The following FGF14 variants were observed in gnomAD, a reference collection of about 807,000 sequenced individuals.
The protein encoded by FGF14 is fibroblast growth factor homologous factor 4.
Under a neutral mutation model 25.5 loss-of-function variants are expected in FGF14, and 5 were observed. The ratio of observed to expected loss-of-function variants is 0.20; its 90% CI spans 0.10 to 0.41. The LOEUF (loss-of-function observed/expected upper bound fraction) is 0.41, where lower values mean the gene tolerates loss of function less well. Among genes scored for constraint, FGF14 ranks in the 10% least tolerant of loss-of-function variants. The pLI, the probability that FGF14 is intolerant of heterozygous loss-of-function variation, is 1.00. For synonymous variants in FGF14, 138 were observed against 118.3 expected, an observed-to-expected ratio of 1.17 and a Z score of -1.08; for missense variants, 222 against 320.1, an observed-to-expected ratio of 0.69 and a Z score of 2.34.
chr13:101,958,633 T>C (rs1480301870), intron 1 of FGF14, among the ~76,000 whole-genome samples: 1 of 152,244 alleles, frequency 6.6e-6, no homozygotes, highest in Non-Finnish European at 1.5e-5. Flanking sequence ...TATAGAATAC[T>C]ACTATAAGTC....
chr13:102,264,108 A>G (rs2052860508), intron 1 of FGF14, among the ~76,000 whole-genome samples: 1 of 151,956 alleles, frequency 6.6e-6, no homozygotes, highest in Non-Finnish European at 1.5e-5. Context: ...CGGGGAACCA[A>G]TTTTAGATGG....
chr13:101,758,143 A>T (rs547828808), intron 3 of FGF14, among the ~76,000 whole-genome samples: 14 of 152,358 alleles, frequency 9.2e-5, no homozygotes, highest in African/African-American at 3.4e-4. Flanking sequence ...TTTATTGAAC[A>T]CTTACCTTGA....
intron 1 of FGF14, among the ~76,000 whole-genome samples, chr13:102,124,765 C>G (rs116673904): frequency 0.014 from 2,062 of 152,106 alleles, 45 homozygotes; most frequent in African/African-American, 0.047. Context: ...TGTTCTTGAG[C>G]CTATTTACTC....
At chr13:101,822,670 T>C (rs1447114589) in intron 3 of FGF14, among the ~76,000 whole-genome samples, 1 of 152,172 alleles carries the variant, frequency 6.6e-6, no homozygotes, top group Non-Finnish European at 1.5e-5. Flanking sequence ...TGTGTAACGA[T>C]CAAATCAGGG....
At chr13:101,975,626 T>C (rs2390646) in intron 1 of FGF14, among the ~76,000 whole-genome samples, 4 of 151,810 alleles carry the variant, frequency 2.6e-5, no homozygotes, top group Admixed American at 2.6e-4. Context: ...ATCAAAAATA[T>C]TTGTATTGAC....
At chr13:102,246,907 A>T (rs1763097138) in intron 1 of FGF14, among the ~76,000 whole-genome samples, 1 of 152,076 alleles carries the variant, frequency 6.6e-6, no homozygotes. Flanking sequence ...GACCAATGGA[A>T]TGGAATACAG....
chr13:102,048,783 C>T lies in FGF14; in HGVS notation c.209-173487G>A, dbSNP rs142162839. Among the ~76,000 whole-genome samples, 163 of 152,226 alleles carry T rather than the reference C, an allele frequency of 1.1e-3. 2 individuals carry two copies. The East Asian group carries it at 0.013, about 12-fold the overall frequency. On this transcript the variant is annotated intron_variant, in intron 1 of 4. Coordinates refer to the FGF14 transcript ENST00000376131. ...CAGAGTTTGTGCCCAATTCCAGAACCGAGGCTGTCTTCACTCAGGCACATT... is the reference window on the plus strand; with the variant it reads ...CAGAGTTTGTGCCCAATTCCAGAACTGAGGCTGTCTTCACTCAGGCACATT...
chr13:101,901,761 G>A (rs1184286672), intron 1 of FGF14, among the ~76,000 whole-genome samples: 14 of 152,006 alleles, frequency 9.2e-5, no homozygotes, highest in Admixed American at 6.6e-4. Flanking sequence ...ACAGATACGC[G>A]AGGAGTTTGT....
chr13:102,213,713 C>T (rs1037313370), intron 1 of FGF14, among the ~76,000 whole-genome samples: 2 of 152,148 alleles, frequency 1.3e-5, no homozygotes, highest in Non-Finnish European at 2.9e-5. Flanking sequence ...TATCCTCCTT[C>T]CCCAACAAGC....
At chr13:101,900,153 T>G (rs186796058) in intron 1 of FGF14, among the ~76,000 whole-genome samples, 387 of 152,188 alleles carry the variant, frequency 2.5e-3, no homozygotes, top group Non-Finnish European at 4.3e-3. Flanking sequence ...AAAATTAAAA[T>G]ATAACAGAGA....
Position 101,715,520 on chromosome 13 carries a change from C to T in FGF14, c.*7311G>A. 7.3e-7 allele frequency: 1 copy of T among 1,362,866 alleles called. No homozygotes were observed. Among genetic ancestry groups the T allele is most frequent in the East Asian group, 2.3e-5 (1 of 43,666 alleles). 84.4% of individuals were successfully genotyped at this position (1,362,866 alleles called of 1,614,324 possible). A position where few individuals can be genotyped will look rare whatever the true frequency, so the allele number is the denominator to read the frequency against. On this transcript the variant is annotated 3_prime_UTR_variant, in exon 5 of 5. Coordinates refer to ENST00000376143, the MANE Select transcript of FGF14 (RefSeq NM_004115.4). The stretch of plus-strand genomic sequence containing the variant: ...TATAATAGCATGTTTAAATTTGGCA[C>T]ATTTTGATCATAATCATGATACCTA...
At chr13:101,750,007 G>C (rs952532928) in intron 3 of FGF14, among the ~76,000 whole-genome samples, 2 of 151,994 alleles carry the variant, frequency 1.3e-5, no homozygotes, top group African/African-American at 4.8e-5. Context: ...GGACTGAAGA[G>C]ACTGGAGTTC....
intron 3 of FGF14, among the ~76,000 whole-genome samples, chr13:101,803,104 T>A (rs1463303875): frequency 1.3e-5 from 2 of 152,124 alleles, no homozygotes; most frequent in Admixed American, 1.3e-4. Flanking sequence ...GGATTTTTTT[T>A]AGTTAAGTGC....
At chr13:101,936,770 T>C (rs1224593629) in intron 1 of FGF14, among the ~76,000 whole-genome samples, 1 of 152,168 alleles carries the variant, frequency 6.6e-6, no homozygotes, top group Non-Finnish European at 1.5e-5. Flanking sequence ...TTGTCAATAA[T>C]ATGTGCTGAA....
At chr13:101,986,668 T>C (rs1017666289) in intron 1 of FGF14, among the ~76,000 whole-genome samples, 1 of 152,106 alleles carries the variant, frequency 6.6e-6, no homozygotes, top group Non-Finnish European at 1.5e-5. Flanking sequence ...CAGGAGCAAG[T>C]AGCATCTTTG....
intron 1 of FGF14, among the ~76,000 whole-genome samples, chr13:101,974,462 C>T (rs943408749): frequency 6.6e-6 from 1 of 152,078 alleles, no homozygotes; most frequent in African/African-American, 2.4e-5. Context: ...TAGTTTATAT[C>T]AATATAAACT....
chr13:102,320,014 T>C (rs563930721), intron 1 of FGF14, among the ~76,000 whole-genome samples: 2 of 152,306 alleles, frequency 1.3e-5, no homozygotes, highest in African/African-American at 4.8e-5. Flanking sequence ...TACCATAGTA[T>C]TCCTGTGGAA....
intron 1 of FGF14, among the ~76,000 whole-genome samples, chr13:101,960,077 C>A (rs889014002): frequency 2.6e-5 from 4 of 152,164 alleles, no homozygotes; most frequent in African/African-American, 9.7e-5. Context: ...TTGACTAACA[C>A]AAATCAGTTT....
intron 1 of FGF14, among the ~76,000 whole-genome samples, chr13:101,960,815 TA>T (rs1313523825): frequency 6.6e-6 from 1 of 152,226 alleles, no homozygotes; most frequent in Non-Finnish European, 1.5e-5. Context: ...ACCAACAGGG[TA>T]AAAGTATTCC....
Sources: gnomAD v4.1 joint callset for allele counts (sites outside exome capture counted in the v4.1 genomes callset) on GRCh38, gnomAD v4.1.1 for gene constraint, MANE v1.5 for transcripts, NCBI Gene and HGNC (gene_info 2026-07-23, HGNC 2026-07-21) for gene names.